Variants in POR observed in about 807,000 individuals in gnomAD.
POR encodes the protein NADPH--cytochrome P450 reductase.
Under a neutral mutation model 84.0 loss-of-function variants are expected in POR, and 56 were observed. That is an observed-to-expected ratio of 0.67 (90% CI 0.54 to 0.83). The LOEUF is 0.83. POR is among the 40% of genes least tolerant of loss of function. POR has a pLI of 0.00. For synonymous variants in POR, 414 were observed against 400.5 expected, an observed-to-expected ratio of 1.03 and a Z score of -0.40; for missense variants, 938 against 944.3, an observed-to-expected ratio of 0.99 and a Z score of 0.09.
At chr7:75,982,110 G>A (rs1409503597) in intron 7 of POR, 114 bp from the exon 8 acceptor site, 2 of 751,632 alleles carry the variant, frequency 2.7e-6, no homozygotes, top group Admixed American at 2.0e-5. Flanking sequence ...CTTGTCGTAT[G>A]TACCTGGGAC....
intron 7 of POR, 138 bp from the exon 8 acceptor site, chr7:75,982,086 G>T: frequency 1.5e-6 from 1 of 682,788 alleles, no homozygotes; most frequent in Non-Finnish European, 2.7e-6. Flanking sequence ...TCTGCAGCAG[G>T]GGCTCCCCTG....
intron 1 of POR, among the ~76,000 whole-genome samples, chr7:75,933,376 GTTTTTTTTTTTTTTTT>G (rs200575911): frequency 0.3 from 27,437 of 92,830 alleles, 4,300 homozygotes; most frequent in African/African-American, 0.51. Context: ...ATAGGTCTTT[GTTTTTTTTTTTTTTTT>G]TTTTTTTTTT....
At chr7:75,917,981 C>T (rs1426409792) in intron 1 of POR, among the ~76,000 whole-genome samples, 1 of 151,892 alleles carries the variant, frequency 6.6e-6, no homozygotes, top group Non-Finnish European at 1.5e-5. Context: ...CTGGGCAACA[C>T]GGCGAATCCC....
chr7:75,963,434 T>G (rs1563419510), intron 2 of POR, among the ~76,000 whole-genome samples: 1 of 152,172 alleles, frequency 6.6e-6, no homozygotes, highest in Non-Finnish European at 1.5e-5. Context: ...CCTTTCCTGG[T>G]CCCTGATGAG....
intron 2 of POR, among the ~76,000 whole-genome samples, chr7:75,956,753 T>C (rs1481772112): frequency 4.6e-5 from 7 of 151,808 alleles, no homozygotes; most frequent in African/African-American, 1.7e-4. Context: ...GAGACAGACT[T>C]TTGCTCTTGT....
At chr7:75,975,796 GA>G (rs1299673872) in intron 3 of POR, among the ~76,000 whole-genome samples, 1 of 137,480 alleles carries the variant, frequency 7.3e-6, no homozygotes, top group Non-Finnish European at 1.6e-5. Context: ...ATTTGTTGAG[GA>G]AAAAAAAGCT....
chr7:75,982,340 G>T lies in POR; in HGVS notation c.830+18G>T. On this transcript the variant is annotated intron_variant, in intron 8 of 15. Transcript: ENST00000461988. ...CAGAAGCCGTGAGTGGAGGGAGCGT[G>T]GCTTGGGGCAGACGGCTCTATGGCC... 1 of 1,598,780 alleles carries T rather than the reference G, an allele frequency of 6.3e-7. No individual in the cohort carries two copies. The highest frequency in any genetic ancestry group is 8.5e-7 in the Non-Finnish European group (1 of 1,171,818).
rs200838726 is a variant in POR, at chr7:75,981,629, G to C, written c.731+23G>C. ...CAGGTGAGCAAGTGCCCGCAGGTGCGGTGGGTGGCCTGGGCGGGTCCTGTG... is the reference window on the plus strand; with the variant it reads ...CAGGTGAGCAAGTGCCCGCAGGTGCCGTGGGTGGCCTGGGCGGGTCCTGTG... On this transcript the variant is annotated intron_variant, in intron 7 of 15. Coordinates refer to ENST00000461988, the MANE Select transcript of POR (RefSeq NM_000941.3). 22 of 1,604,480 alleles carry C rather than the reference G, an allele frequency of 1.4e-5. No individual in the cohort carries two copies. The East Asian group carries it at 4.5e-4, about 33-fold the overall frequency.
chr7:75,943,980 G>A (rs1036866355), intron 1 of POR: 81 of 424,576 alleles, frequency 1.9e-4, no homozygotes, highest in African/African-American at 1.4e-3. Flanking sequence ...AGGAAACCTC[G>A]ACTCTTCAAG....
rs1554559082 is a variant in POR at position 75,985,642 on chromosome 7, A to G, written c.1462A>G (p.Ile488Val). 1.9e-6 allele frequency: 3 copies of G among 1,594,132 alleles called. No homozygotes were observed. Among genetic ancestry groups the G allele is most frequent in the Admixed American group, 1.7e-5 (1 of 57,930 alleles). ...GGAGTACGAGACCAAGGCTGGCCGC[A>G]TCAACAAGGGCGTGGCCACCAACTG... The change falls in exon 13 of 16, where the codon ATC becomes GTC. Residue 488 changes from isoleucine to valine, a missense_variant. Ile to Val is a conservative substitution (Grantham distance 29). Transcript: ENST00000461988.
chr7:75,983,405 T>TCCTCATGGAGATCTCTGAGATTC, intron 8 of POR, 115 bp from the exon 9 acceptor site: 1 of 726,958 alleles, frequency 1.4e-6, no homozygotes, highest in Non-Finnish European at 2.4e-6. Flanking sequence ...CGGTGAGATT[T>TCCTCATGGAGATCTCTGAGATTC]CCTCATGGAG....
At position 75,984,761 on chromosome 7, in the gene POR, T is replaced by TGTCTCTTCCC; in HGVS notation, c.1067-15_1067-6dup. On this transcript the variant is annotated splice_polypyrimidine_tract_variant and intron_variant, in intron 10 of 15. Coordinates refer to ENST00000461988, the MANE Select transcript of POR (RefSeq NM_000941.3). ...GCGGCCGCCTACCCCAAGTCCTGCC[T>TGTCTCTTCCC]GTCTCTTCCCTGCAGAGGAGTCCAA... 1 of 1,611,616 alleles carries TGTCTCTTCCC rather than the reference T, an allele frequency of 6.2e-7. No individual in the cohort carries two copies. Among genetic ancestry groups the TGTCTCTTCCC allele is most frequent in the Non-Finnish European group, 8.5e-7 (1 of 1,179,084 alleles).
chr7:75,958,942 T>C (rs1554554139), intron 2 of POR, among the ~76,000 whole-genome samples: 1 of 152,258 alleles, frequency 6.6e-6, no homozygotes, highest in Non-Finnish European at 1.5e-5. Context: ...GTTTGCATTA[T>C]ACTCACCAGA....
chr7:75,939,537 T>C (rs1490126745), intron 1 of POR, among the ~76,000 whole-genome samples: 4 of 77,812 alleles, frequency 5.1e-5, no homozygotes, highest in Non-Finnish European at 2.0e-5. Flanking sequence ...ACTCAACAGC[T>C]TTTTTTTTTT....
Position 75,980,435 on chromosome 7 carries a change from T to C in POR, c.463T>C (p.Phe155Leu), listed in dbSNP as rs782178781. ...AGACCCCACCGACAATGCCCAGGAC[T>C]TCTACGACTGGCTGCAGGAGACAGA... is the stretch of plus-strand genomic sequence containing the variant. The change falls in exon 5 of 16, where the codon TTC becomes CTC. Residue 155 changes from phenylalanine to leucine, a missense_variant. Physicochemically the swap from Phe to Leu is conservative, Grantham distance 22. Coordinates refer to ENST00000461988, the MANE Select transcript of POR (RefSeq NM_000941.3). 1.2e-6 allele frequency: 2 copies of C among 1,613,262 alleles called. No individual in the cohort carries two copies. Among genetic ancestry groups the C allele is most frequent in the South Asian group, 1.1e-5 (1 of 91,054 alleles).
intron 1 of POR, among the ~76,000 whole-genome samples, chr7:75,934,497 C>G (rs118041231): frequency 3.2e-4 from 49 of 152,288 alleles, no homozygotes; most frequent in Admixed American, 3.0e-3. Context: ...CAAGAGAATT[C>G]AAGCAGGCTG....
intron 8 of POR, chr7:75,983,188 A>G (rs782015597): frequency 1.3e-4 from 30 of 239,538 alleles, no homozygotes; most frequent in Middle Eastern, 1.5e-3. Context: ...TAAAAATATA[A>G]AAGTTAACCA....
chr7:75,980,981 C>T (rs1474184552), intron 5 of POR, 67 bp from the exon 6 acceptor site: 2 of 1,478,822 alleles, frequency 1.4e-6, no homozygotes, highest in African/African-American at 1.4e-5. Context: ...TCCCGCCCTG[C>T]CCCCATGGCC....
Position 75,972,399 on chromosome 7 carries a change from CTT to C in POR, c.189-11_189-10del. On this transcript the variant is annotated splice_polypyrimidine_tract_variant and intron_variant, in intron 2 of 15. Transcript: ENST00000461988. ...ACCTGCCTCCCACGCTCATTGCACA[CTT>C]TTGTCTTGCAGGACCTCCTCTGTCA... 6.2e-7 allele frequency: 1 copy of C among 1,608,400 alleles called. No homozygotes were observed.
Sources: gnomAD v4.1 joint callset for allele counts (sites outside exome capture counted in the v4.1 genomes callset) on GRCh38, gnomAD v4.1.1 for gene constraint, MANE v1.5 for transcripts, NCBI Gene and HGNC (gene_info 2026-07-23, HGNC 2026-07-21) for gene names.